ROBO1: variants seen among roughly 807,000 people sequenced by gnomAD.
ROBO1 encodes the protein roundabout homolog 1.
ROBO1 carries 149 observed loss-of-function variants against 195.9 expected under a neutral mutation model. That is an observed-to-expected ratio of 0.76 (90% confidence interval 0.67 to 0.87). The LOEUF is 0.87. Among genes scored for constraint, ROBO1 ranks in the 40% least tolerant of loss-of-function variants. The pLI, the probability that ROBO1 is intolerant of heterozygous loss-of-function variation, is 0.00. For missense variants in ROBO1, 1,933 were observed against 2,068.3 expected (o/e 0.93, Z 1.27); for synonymous variants, 816 against 733.2 (o/e 1.11, Z -1.82).
At chr3:78,678,017 AACTC>A (rs1274757967) in intron 10 of ROBO1, among the ~76,000 whole-genome samples, 13 of 152,112 alleles carry the variant, frequency 8.5e-5, no homozygotes, top group Non-Finnish European at 1.3e-4. Context: ...AGGATTAAGA[AACTC>A]ACTCAAAACC....
At chr3:79,288,963 C>T (rs957599500) in intron 2 of ROBO1, among the ~76,000 whole-genome samples, 3 of 151,950 alleles carry the variant, frequency 2.0e-5, no homozygotes, top group African/African-American at 4.8e-5. Context: ...TTGACAAGGA[C>T]ATTCAATGTT....
Position 78,639,737 on chromosome 3 carries a change from C to G in ROBO1, c.3037+7G>C. 1.2e-6 allele frequency: 2 copies of G among 1,611,156 alleles called. No homozygotes were observed. The highest frequency in any genetic ancestry group is 1.7e-6 in the Non-Finnish European group (2 of 1,178,078). On this transcript the variant is annotated splice_region_variant and intron_variant, in intron 22 of 30. Coordinates refer to ENST00000464233, the MANE Select transcript of ROBO1 (RefSeq NM_002941.4). Reference sequence around the variant, plus strand: ...TATACATATCAGGCTCTCTCTGTGTCCCTAACCTGGGCGACTGTAGGTAGT... The same window carrying G: ...TATACATATCAGGCTCTCTCTGTGTGCCTAACCTGGGCGACTGTAGGTAGT...
intron 21 of ROBO1, among the ~76,000 whole-genome samples, chr3:78,641,517 A>G (rs1559684378): frequency 6.6e-6 from 1 of 152,220 alleles, no homozygotes. Flanking sequence ...AAACATTTAA[A>G]TGCAAATTAT....
chr3:78,760,209 G>A (rs1450632044), intron 4 of ROBO1, among the ~76,000 whole-genome samples: 2 of 152,150 alleles, frequency 1.3e-5, no homozygotes, highest in Non-Finnish European at 2.9e-5. Context: ...GGAACTGTGA[G>A]TCCATTAAAC....
At chr3:78,688,562 C>G in intron 9 of ROBO1, 86 bp downstream of exon 9, 1 of 1,352,634 alleles carries the variant, frequency 7.4e-7, no homozygotes, top group Non-Finnish European at 9.8e-7. Flanking sequence ...AGCTGCATGA[C>G]TAAGTAATAT....
At chr3:78,993,679 T>A (rs2077289438) in intron 3 of ROBO1, among the ~76,000 whole-genome samples, 1 of 152,140 alleles carries the variant, frequency 6.6e-6, no homozygotes, top group African/African-American at 2.4e-5. Context: ...CTGTGTTTTT[T>A]GAAGGATCCA....
chr3:78,650,143 C>T (rs1191255149), intron 19 of ROBO1, among the ~76,000 whole-genome samples: 1 of 152,050 alleles, frequency 6.6e-6, no homozygotes, highest in East Asian at 1.9e-4. Context: ...CCCACTCCAC[C>T]ACACAAAGAC....
intron 2 of ROBO1, among the ~76,000 whole-genome samples, chr3:79,462,920 C>CT (rs755321154): frequency 1.3e-5 from 2 of 152,182 alleles, no homozygotes; most frequent in Non-Finnish European, 2.9e-5. Flanking sequence ...TACACTATTG[C>CT]TATACTTTAG....
At chr3:79,726,872 G>A (rs987786676) in intron 1 of ROBO1, among the ~76,000 whole-genome samples, 1 of 152,084 alleles carries the variant, frequency 6.6e-6, no homozygotes. Flanking sequence ...GAGGGGAATG[G>A]GGGACTACTA....
chr3:78,740,430 CTTAT>C (rs1471759125), intron 5 of ROBO1, among the ~76,000 whole-genome samples: 4 of 143,288 alleles, frequency 2.8e-5, no homozygotes, highest in Non-Finnish European at 6.1e-5. Context: ...TAAAAAGCAA[CTTAT>C]TTCTTATTTT....
At chr3:78,720,541 C>T (rs988403153) in intron 5 of ROBO1, among the ~76,000 whole-genome samples, 2 of 152,156 alleles carry the variant, frequency 1.3e-5, no homozygotes, top group Non-Finnish European at 2.9e-5. Context: ...TGTGGCAATT[C>T]CTCAGGGATC....
chr3:78,639,757 G>A lies in ROBO1; in HGVS notation c.3024C>T (p.Thr1008=), dbSNP rs961382950. ...TGTGTCCCTAACCTGGGCGACTGTA[G>A]GTAGTGAGGTTGCTGTCGCTGTTTC... ...GNGNSDSNLT[T]YSRPADCIAN... is the part of the protein sequence containing the mutation. Residue 1008 remains threonine (T), a synonymous_variant, in exon 22 of 31, where the codon ACC becomes ACT. Transcript: ENST00000464233. 1 of 1,613,308 alleles carries A rather than the reference G, an allele frequency of 6.2e-7. No individual in the cohort carries two copies. The highest frequency in any genetic ancestry group is 8.5e-7 in the Non-Finnish European group (1 of 1,179,412).
At chr3:79,210,704 T>C (rs79526965) in intron 2 of ROBO1, among the ~76,000 whole-genome samples, 1 of 150,320 alleles carries the variant, frequency 6.7e-6, no homozygotes, top group African/African-American at 2.4e-5. Flanking sequence ...TAAGCTAAGA[T>C]TTTTTTTTTG....
chr3:79,575,321 C>CATATATATAAATATATATAACCA (rs1943439767), intron 2 of ROBO1, among the ~76,000 whole-genome samples: 1 of 100,822 alleles, frequency 9.9e-6, no homozygotes, highest in Non-Finnish European at 1.8e-5. Context: ...ATATATATAA[C>CATATATATAAATATATATAACCA]ATATATATAA....
At chr3:79,395,508 T>C (rs183203771) in intron 2 of ROBO1, among the ~76,000 whole-genome samples, 2 of 151,934 alleles carry the variant, frequency 1.3e-5, no homozygotes, top group African/African-American at 4.8e-5. Flanking sequence ...TTCTGAAAAA[T>C]ATTTACATGT....
intron 4 of ROBO1, among the ~76,000 whole-genome samples, chr3:78,827,713 G>C (rs2031756174): frequency 6.6e-6 from 1 of 152,182 alleles, no homozygotes; most frequent in Middle Eastern, 3.2e-3. Flanking sequence ...GCAGAGAAGA[G>C]CTAATGTGCT....
chr3:78,993,560 C>T (rs1316914157), intron 3 of ROBO1, among the ~76,000 whole-genome samples: 2 of 152,138 alleles, frequency 1.3e-5, no homozygotes, highest in East Asian at 3.9e-4. Flanking sequence ...ACTGTTGACA[C>T]AAGGCTAAGT....
At chr3:79,755,722 G>C (rs1446763926) in intron 1 of ROBO1, among the ~76,000 whole-genome samples, 1 of 152,172 alleles carries the variant, frequency 6.6e-6, no homozygotes, top group Non-Finnish European at 1.5e-5. Flanking sequence ...AGCAATCAGT[G>C]CTCTCACCAT....
At chr3:79,080,143 T>G (rs932927416) in intron 3 of ROBO1, among the ~76,000 whole-genome samples, 1 of 151,638 alleles carries the variant, frequency 6.6e-6, no homozygotes, top group Admixed American at 6.6e-5. Flanking sequence ...AATTAATTGC[T>G]AATTCTTGAT....
Sources: gnomAD v4.1 joint callset for allele counts (sites outside exome capture counted in the v4.1 genomes callset) on GRCh38, gnomAD v4.1.1 for gene constraint, MANE v1.5 for transcripts, NCBI Gene and HGNC (gene_info 2026-07-23, HGNC 2026-07-21) for gene names.